EGF: variants seen among roughly 807,000 people sequenced by gnomAD.
The protein encoded by EGF is pro-epidermal growth factor.
Under a neutral mutation model 143.8 loss-of-function variants are expected in EGF, and 95 were observed. The ratio of observed to expected loss-of-function variants is 0.66; its 90% confidence interval spans 0.56 to 0.78. The LOEUF is 0.78. EGF is among the 30% of genes least tolerant of loss of function. The probability of loss-of-function intolerance (pLI) is 0.00; values close to 1 mark genes in which losing one functional copy is unlikely to be tolerated. For synonymous variants in EGF, 510 were observed against 510.5 expected, an observed-to-expected ratio of 1.00 and a Z score of 0.01; for missense variants, 1,320 against 1,470.9, an observed-to-expected ratio of 0.90 and a Z score of 1.68.
At chr4:109,981,043 T>C (rs1365491363) in intron 15 of EGF, 68 bp downstream of exon 15, 1 of 1,594,734 alleles carries the variant, frequency 6.3e-7, no homozygotes, top group African/African-American at 1.3e-5. Flanking sequence ...CATCAATCTT[T>C]ATGCTTTTGC....
In EGF at chr4:110,008,196, A is replaced by C; in HGVS notation, c.3336A>C (p.Gln1112His). The C allele has an allele frequency of 6.2e-7, 1 of 1,614,046 alleles. No homozygotes were observed. The highest frequency in any genetic ancestry group is 2.2e-5 in the East Asian group (1 of 44,880). The part of the protein sequence containing the change: ...KEHQDLKNGG[Q>H]PVAGEDGQAA... ...ACCAAGACCTCAAGAATGGGGGTCA[A>C]CCAGTGGCTGGTGAGGATGGCCAGG... The change falls in exon 23 of 24, where the codon CAA becomes CAC. Residue 1112 changes from glutamine (Q) to histidine (H), a missense_variant. Around this residue, in one of 5 missense-constraint regions of EGF, gnomAD observed 1,186 missense variants for 1,313.7 expected, o/e 0.90. Coordinates refer to ENST00000265171, the MANE Select transcript of EGF (RefSeq NM_001963.6).
chr4:109,949,138 C>G (rs1439764855), intron 5 of EGF, among the ~76,000 whole-genome samples: 1 of 152,078 alleles, frequency 6.6e-6, no homozygotes, highest in Non-Finnish European at 1.5e-5. Flanking sequence ...GTAATCTCAG[C>G]TCACTGCAAC....
At chr4:109,921,208 C>A (rs1737729760) in intron 1 of EGF, among the ~76,000 whole-genome samples, 1 of 151,126 alleles carries the variant, frequency 6.6e-6, no homozygotes, top group African/African-American at 2.5e-5. Context: ...TTCTTAAGAG[C>A]ATCTTCCAGA....
intron 16 of EGF, among the ~76,000 whole-genome samples, chr4:109,983,955 A>C (rs1369233013): frequency 1.3e-5 from 2 of 152,250 alleles, no homozygotes; most frequent in Non-Finnish European, 2.9e-5. Flanking sequence ...ATTGCTGCAG[A>C]AAGTCCACAA....
chr4:109,968,707 T>TCTATCTATCTATCTATCTAC (rs139653683), intron 10 of EGF: 42 of 351,478 alleles, frequency 1.2e-4, no homozygotes, highest in East Asian at 1.0e-3. Context: ...TATCTATCTA[T>TCTATCTATCTATCTATCTAC]CTACCTACCT....
intron 10 of EGF, chr4:109,968,716 C>G (rs1380458107): frequency 2.2e-6 from 1 of 462,614 alleles, no homozygotes; most frequent in African/African-American, 2.0e-5. Context: ...ATCTACCTAC[C>G]TACCTACCTA....
rs200400376 is a variant in EGF, at chr4:109,974,799, A to G, written c.1821A>G (p.Pro607=). The stretch of plus-strand genomic sequence containing the variant: ...AACCACGAGGAATTGCTGTTCATCC[A>G]ATGGCCAAGTAGGTATTTGTAAAAA... ...ISQPRGIAVH[P]MAKRLFWTDT... is the part of the protein sequence containing the mutation. The change falls in exon 12 of 24, where the codon CCA becomes CCG. Residue 607 remains proline, a synonymous_variant. Transcript: ENST00000265171. 7.4e-5 allele frequency: 120 copies of G among 1,612,682 alleles called. No individual in the cohort carries two copies. In the East Asian group the frequency reaches 1.1e-3, roughly 15 times the overall value.
rs1221488690 is a variant in EGF, at chr4:109,944,049, C to T, written c.717C>T (p.His239=). 6.2e-7 allele frequency: 1 copy of T among 1,614,086 alleles called. No homozygotes were observed. The highest frequency in any genetic ancestry group is 8.5e-7 in the Non-Finnish European group (1 of 1,179,976). The change falls in exon 4 of 24, where the codon CAC becomes CAT. Residue 239 remains histidine, a synonymous_variant. Transcript: ENST00000265171. ...CSCDYDGGSV[H]ISKHPTQHNL... ...GTGATTATGATGGAGGTTCTGTCCACATTAGTAAACATCCAACACAGTAAG... is the reference window on the plus strand; with the variant it reads ...GTGATTATGATGGAGGTTCTGTCCATATTAGTAAACATCCAACACAGTAAG...
chr4:109,994,230 C>T (rs997815700), intron 19 of EGF, among the ~76,000 whole-genome samples: 7 of 152,138 alleles, frequency 4.6e-5, no homozygotes, highest in Non-Finnish European at 7.3e-5. Context: ...AGAGTTGCTA[C>T]AGTCTTGTCC....
chr4:109,961,780 C>T, intron 7 of EGF, 83 bp from the exon 8 acceptor site: 1 of 1,575,086 alleles, frequency 6.3e-7, no homozygotes, highest in African/African-American at 1.4e-5. Flanking sequence ...AGGAGGATCA[C>T]CTGGCAATAT....
intron 1 of EGF, among the ~76,000 whole-genome samples, chr4:109,926,475 C>T (rs955256185): frequency 2.0e-5 from 3 of 151,928 alleles, no homozygotes; most frequent in African/African-American, 7.3e-5. Context: ...CTGCCTCAGC[C>T]TCCCGAGTAG....
chr4:109,939,105 T>C (rs907793913), intron 1 of EGF, among the ~76,000 whole-genome samples: 1 of 152,248 alleles, frequency 6.6e-6, no homozygotes, highest in African/African-American at 2.4e-5. Context: ...TGCCTTTTGT[T>C]CAGATATGCC....
intron 5 of EGF, among the ~76,000 whole-genome samples, chr4:109,949,618 C>CTT (rs773134299): frequency 1.4e-4 from 20 of 140,988 alleles, no homozygotes; most frequent in African/African-American, 4.4e-4. Context: ...GTTCAGACCT[C>CTT]TTTTTTTTTT....
intron 12 of EGF, 132 bp downstream of exon 12, chr4:109,974,939 A>T: frequency 1.6e-6 from 1 of 635,942 alleles, no homozygotes; most frequent in East Asian, 2.8e-5. Flanking sequence ...TGAATTCCTC[A>T]TGCTTTTAAT....
intron 20 of EGF, among the ~76,000 whole-genome samples, chr4:109,996,676 C>T (rs996352704): frequency 8.5e-5 from 13 of 152,114 alleles, no homozygotes; most frequent in African/African-American, 3.1e-4. Flanking sequence ...AGAGCCAGCT[C>T]TTTCTTCCTT....
intron 1 of EGF, among the ~76,000 whole-genome samples, chr4:109,923,795 AT>A: frequency 6.6e-6 from 1 of 151,330 alleles, no homozygotes; most frequent in East Asian, 1.9e-4. Flanking sequence ...TAGTTTCTGT[AT>A]TTTTAGTAGA....
chr4:109,949,879 A>C (rs1242694395), intron 5 of EGF, among the ~76,000 whole-genome samples: 1 of 152,186 alleles, frequency 6.6e-6, no homozygotes, highest in Non-Finnish European at 1.5e-5. Context: ...CTTGCCTTGT[A>C]GATTCAGGTT....
intron 20 of EGF, 47 bp from the exon 21 acceptor site, chr4:109,999,632 T>G: frequency 1.2e-6 from 2 of 1,612,450 alleles, no homozygotes; most frequent in Non-Finnish European, 1.7e-6. Context: ...ACTATCAGCG[T>G]TTTTGGCCAG....
At chr4:110,008,910 C>G (rs1055275399) in intron 23 of EGF, among the ~76,000 whole-genome samples, 2 of 152,350 alleles carry the variant, frequency 1.3e-5, no homozygotes, top group African/African-American at 4.8e-5. Context: ...CATTGTTTCA[C>G]AGGCCTTTGT....
Sources: gnomAD v4.1 joint callset for allele counts (sites outside exome capture counted in the v4.1 genomes callset) on GRCh38, gnomAD v4.1.1 for gene constraint, gnomAD v4.1.1 regional missense constraint, MANE v1.5 for transcripts, NCBI Gene and HGNC (gene_info 2026-07-23, HGNC 2026-07-21) for gene names.